Variants in STK32A observed in about 807,000 individuals in gnomAD.
The protein encoded by STK32A is serine/threonine kinase 32A.
In STK32A, 41 loss-of-function variants were observed where a neutral mutation model predicts 53.2. The ratio of observed to expected loss-of-function variants is 0.77; its 90% CI spans 0.60 to 1.00. STK32A has a LOEUF of 1.00. STK32A is among the 50% of genes least tolerant of loss of function. The pLI, the probability that STK32A is intolerant of heterozygous loss-of-function variation, is 0.00. For missense variants in STK32A, 458 were observed against 485.8 expected (o/e 0.94, Z 0.54); for synonymous variants, 166 against 162.8 (o/e 1.02, Z -0.15).
At position 147,387,529 on chromosome 5, in the gene STK32A, G is replaced by GT. The variant is rs2152010858; in HGVS notation, c.*3547dup. ...AGTGTTGCTGCTTGTGGCTGAGGCA[G>GT]TAATGCTAAGGCTTTAGCTCTTCAA... On this transcript the variant is annotated 3_prime_UTR_variant, in exon 13 of 13. Coordinates refer to ENST00000397936, the MANE Select transcript of STK32A (RefSeq NM_001112724.2). The GT allele has an allele frequency of 6.6e-6, 1 of 152,376 alleles. No homozygotes were observed. Among genetic ancestry groups the GT allele is most frequent in the African/African-American group, 2.4e-5 (1 of 41,574 alleles). The allele number at this position is 152,376 out of a possible 1,614,324, so 9.4% of individuals were successfully genotyped here. A position where few individuals can be genotyped will look rare whatever the true frequency, so the allele number is the denominator to read the frequency against.
chr5:147,262,053 G>A (rs931772549), intron 2 of STK32A, among the ~76,000 whole-genome samples: 34 of 152,244 alleles, frequency 2.2e-4, no homozygotes, highest in African/African-American at 7.5e-4. Flanking sequence ...AGTAGGTCTT[G>A]AAATGTGGTA....
intron 4 of STK32A, among the ~76,000 whole-genome samples, chr5:147,287,655 A>G (rs1041807205): frequency 6.6e-6 from 1 of 152,142 alleles, no homozygotes; most frequent in Non-Finnish European, 1.5e-5. Context: ...GTATTTAATC[A>G]GTATCTTAGA....
At chr5:147,239,212 C>G (rs1039394669) in intron 1 of STK32A, among the ~76,000 whole-genome samples, 1 of 152,124 alleles carries the variant, frequency 6.6e-6, no homozygotes, top group African/African-American at 2.4e-5. Flanking sequence ...AACAACAAGA[C>G]AGTATAAAAT....
intron 11 of STK32A, among the ~76,000 whole-genome samples, chr5:147,382,092 C>T (rs1757475406): frequency 6.6e-6 from 1 of 152,172 alleles, no homozygotes; most frequent in Non-Finnish European, 1.5e-5. Context: ...GACAAGCTTG[C>T]TATAGGCTCT....
intron 11 of STK32A, among the ~76,000 whole-genome samples, chr5:147,376,694 GTTC>G (rs1405930430): frequency 2.0e-5 from 3 of 152,080 alleles, no homozygotes; most frequent in Non-Finnish European, 4.4e-5. Flanking sequence ...TGAACCTTTT[GTTC>G]TTCTTCAAGG....
At position 147,299,769 on chromosome 5, in the gene STK32A, T is replaced by A. The variant is rs547241437; in HGVS notation, c.260+20371T>A. The stretch of plus-strand genomic sequence containing the variant: ...TACGGAAAAAAGAAGAGGCAGTTTC[T>A]AACTTGTTCGCCAAAAATTTACGTT... On this transcript the variant is annotated intron_variant, in intron 4 of 12. Coordinates refer to ENST00000397936, the MANE Select transcript of STK32A (RefSeq NM_001112724.2). 5.3e-5 allele frequency among the ~76,000 whole-genome samples: 8 copies of A among 152,342 alleles called. No homozygotes were observed. In the East Asian group the frequency reaches 1.5e-3, roughly 29 times the overall value.
chr5:147,378,971 A>G (rs1248695721), intron 11 of STK32A, among the ~76,000 whole-genome samples: 2 of 149,012 alleles, frequency 1.3e-5, no homozygotes, highest in Non-Finnish European at 3.0e-5. Flanking sequence ...AAGAATGCCA[A>G]CAGTCATTTA....
At chr5:147,239,426 C>G (rs982638226) in intron 1 of STK32A, 113 bp from the exon 2 acceptor site, 10 of 443,576 alleles carry the variant, frequency 2.3e-5, no homozygotes, top group African/African-American at 2.0e-4. Flanking sequence ...TTTTCAAACA[C>G]AAAAGTTTTC....
At chr5:147,321,529 C>A (rs923737369) in intron 4 of STK32A, among the ~76,000 whole-genome samples, 2 of 152,178 alleles carry the variant, frequency 1.3e-5, no homozygotes, top group East Asian at 1.9e-4. Context: ...CTTGCCTGGG[C>A]CTCTTCTGTC....
At chr5:147,257,687 G>T (rs750866222) in intron 2 of STK32A, among the ~76,000 whole-genome samples, 2 of 152,052 alleles carry the variant, frequency 1.3e-5, no homozygotes, top group African/African-American at 2.4e-5. Context: ...AGCAGCACAA[G>T]GTAGGGTCCT....
intron 5 of STK32A, among the ~76,000 whole-genome samples, chr5:147,330,120 C>G (rs1288848536): frequency 6.6e-6 from 1 of 152,164 alleles, no homozygotes; most frequent in Non-Finnish European, 1.5e-5. Context: ...GGACAGGTGT[C>G]TGGGCACAGT....
chr5:147,284,556 CAAAGTT>C (rs1245806682), intron 4 of STK32A, among the ~76,000 whole-genome samples: 6 of 152,126 alleles, frequency 3.9e-5, no homozygotes, highest in Admixed American at 3.9e-4. Flanking sequence ...AAGAATTCAG[CAAAGTT>C]TCCGGATACA....
intron 11 of STK32A, among the ~76,000 whole-genome samples, chr5:147,376,800 C>A (rs1243278742): frequency 6.6e-6 from 1 of 152,128 alleles, no homozygotes; most frequent in Non-Finnish European, 1.5e-5. Flanking sequence ...TTAAATATCA[C>A]CTTGTCATTT....
intron 4 of STK32A, among the ~76,000 whole-genome samples, chr5:147,322,647 T>C (rs1230725309): frequency 1.3e-5 from 2 of 152,244 alleles, no homozygotes; most frequent in African/African-American, 4.8e-5. Flanking sequence ...CATGATGTTA[T>C]GTCTAAAGAA....
At chr5:147,288,623 C>T (rs1160401766) in intron 4 of STK32A, among the ~76,000 whole-genome samples, 2 of 152,028 alleles carry the variant, frequency 1.3e-5, no homozygotes, top group Non-Finnish European at 2.9e-5. Context: ...GGAGCAGGAG[C>T]AAGAGAGAGG....
At chr5:147,369,159 A>G (rs1256364402) in intron 8 of STK32A, among the ~76,000 whole-genome samples, 2 of 152,178 alleles carry the variant, frequency 1.3e-5, no homozygotes, top group African/African-American at 4.8e-5. Flanking sequence ...GACATATGAT[A>G]TAGCTATGGT....
At position 147,341,069 on chromosome 5, in the gene STK32A, T is replaced by C. The variant is rs564945512; in HGVS notation, c.435-1937T>C. ...GCTCAGGGATTTAACAGAAAGCTCA[T>C]AAAATGTCAAATCCACAGCAATTAA... is the stretch of plus-strand genomic sequence containing the variant. On this transcript the variant is annotated intron_variant, in intron 5 of 12. Coordinates refer to ENST00000397936, the MANE Select transcript of STK32A (RefSeq NM_001112724.2). 2.6e-5 allele frequency among the ~76,000 whole-genome samples: 4 copies of C among 152,348 alleles called. No homozygotes were observed. In the South Asian group the frequency reaches 8.3e-4, roughly 32 times the overall value.
intron 11 of STK32A, among the ~76,000 whole-genome samples, chr5:147,379,236 T>G (rs7724502): frequency 1.3e-5 from 2 of 151,862 alleles, no homozygotes; most frequent in South Asian, 4.2e-4. Context: ...CTGTTGTTGG[T>G]GTATAGGAAT....
At chr5:147,349,607 G>T (rs1374367277) in intron 6 of STK32A, among the ~76,000 whole-genome samples, 1 of 152,092 alleles carries the variant, frequency 6.6e-6, no homozygotes, top group African/African-American at 2.4e-5. Flanking sequence ...CCACGTATAA[G>T]TATTAGACCC....
Sources: allele counts gnomAD v4.1 joint callset (sites outside exome capture counted in the v4.1 genomes callset), GRCh38; gene constraint gnomAD v4.1.1; transcripts MANE v1.5; gene names NCBI Gene and HGNC (gene_info 2026-07-23, HGNC 2026-07-21).